APPBP2: variants seen among roughly 807,000 people sequenced by gnomAD.
APPBP2 encodes the protein amyloid beta precursor protein binding protein 2, also known as amyloid protein-binding protein 2.
Under a neutral mutation model 76.0 loss-of-function variants are expected in APPBP2, and 15 were observed. The observed-to-expected ratio is 0.20, with a 90% CI of 0.13 to 0.30. The LOEUF (loss-of-function observed/expected upper bound fraction) is 0.30, where lower values mean the gene tolerates loss of function less well. APPBP2 is among the 10% of genes least tolerant of loss of function. The pLI is 1.00. For missense variants in APPBP2, 401 were observed against 687.2 expected (o/e 0.58, Z 4.66); for synonymous variants, 222 against 242.2 (o/e 0.92, Z 0.77).
At position 60,518,971 on chromosome 17, in the gene APPBP2, C is replaced by T. The variant is rs1030333262; in HGVS notation, c.138+6823G>A. Among the ~76,000 whole-genome samples the T allele has an allele frequency of 5.3e-5, 8 of 152,074 alleles. No homozygotes were observed. In the East Asian group the frequency reaches 7.7e-4, roughly 15 times the overall value. On this transcript the variant is annotated intron_variant, in intron 1 of 12. Transcript: ENST00000083182. ...TTATTTTTACATTACCTTTTTCCCC[C>T]CCTTTGAGACAAGTTCTCACTGTGT...
intron 1 of APPBP2, among the ~76,000 whole-genome samples, chr17:60,515,112 ATTT>A (rs746696162): frequency 4.7e-5 from 5 of 106,210 alleles, no homozygotes; most frequent in East Asian, 2.6e-4. Flanking sequence ...CCTATTTTAA[ATTT>A]TTTTTTTTTT....
intron 1 of APPBP2, among the ~76,000 whole-genome samples, chr17:60,500,921 C>T (rs968121388): frequency 8.5e-5 from 13 of 152,184 alleles, no homozygotes; most frequent in African/African-American, 2.7e-4. Context: ...GTCAAAAACA[C>T]ACCAATAGTA....
At chr17:60,470,077 A>G (rs1449751682) in intron 4 of APPBP2, among the ~76,000 whole-genome samples, 2 of 151,402 alleles carry the variant, frequency 1.3e-5, no homozygotes, top group South Asian at 2.1e-4. Flanking sequence ...CCTTGCCAAC[A>G]GTTATTTTCT....
At chr17:60,512,958 C>T (rs1327595600) in intron 1 of APPBP2, among the ~76,000 whole-genome samples, 2 of 127,194 alleles carry the variant, frequency 1.6e-5, no homozygotes, top group Admixed American at 8.0e-5. Context: ...TTTTCTTTTC[C>T]TTTTTTTTTT....
chr17:60,468,932 T>C (rs1158417816), intron 4 of APPBP2, among the ~76,000 whole-genome samples: 1 of 152,224 alleles, frequency 6.6e-6, no homozygotes, highest in Non-Finnish European at 1.5e-5. Context: ...ATTAGTTTAC[T>C]AATATATTTA....
rs577151546 is a variant in APPBP2, at chr17:60,483,644, C to T, written c.380-4373G>A. On this transcript the variant is annotated intron_variant, in intron 3 of 12. Transcript: ENST00000083182. ...TCCCGACCTCGTGATCCGCTCGCCTCGGCCTCCCAAAGTGCTAGGATTACA... is the reference window on the plus strand; with the variant it reads ...TCCCGACCTCGTGATCCGCTCGCCTTGGCCTCCCAAAGTGCTAGGATTACA... 9.2e-5 allele frequency among the ~76,000 whole-genome samples: 14 copies of T among 152,268 alleles called. No homozygotes were observed. The South Asian group carries it at 1.5e-3, about 16-fold the overall frequency.
chr17:60,462,576 C>T (rs1312300692), intron 6 of APPBP2: 4 of 153,216 alleles, frequency 2.6e-5, no homozygotes, highest in Middle Eastern at 6.8e-3. Flanking sequence ...TGCCACTGTG[C>T]ACAGCTCTCA....
At chr17:60,458,311 G>A (rs921934573) in intron 9 of APPBP2, among the ~76,000 whole-genome samples, 2 of 152,002 alleles carry the variant, frequency 1.3e-5, no homozygotes, top group Non-Finnish European at 2.9e-5. Flanking sequence ...GCGTGTGCCT[G>A]TAATTCCAGC....
At chr17:60,509,684 C>T in intron 1 of APPBP2, among the ~76,000 whole-genome samples, 1 of 152,112 alleles carries the variant, frequency 6.6e-6, no homozygotes, top group East Asian at 1.9e-4. Context: ...TGCCTGTAAT[C>T]GCAGCTACCC....
chr17:60,495,933 C>T (rs776827184), intron 2 of APPBP2, among the ~76,000 whole-genome samples: 3 of 151,992 alleles, frequency 2.0e-5, no homozygotes, highest in Non-Finnish European at 2.9e-5. Context: ...ATTATCCTTA[C>T]GATGGAAAAT....
chr17:60,506,808 C>A lies in APPBP2; in HGVS notation c.139-6321G>T, dbSNP rs185357277. 1.8e-3 allele frequency among the ~76,000 whole-genome samples: 281 copies of A among 152,284 alleles called. 2 individuals carry two copies. The highest frequency in any genetic ancestry group is 3.5e-3 in the Admixed American group (53 of 15,294). On this transcript the variant is annotated intron_variant, in intron 1 of 12. Transcript: ENST00000083182. ...ATGCCAGCACTTTGGGAGGCCGAGG[C>A]GGGCAGATCACGAGGTCAAGAGATC...
chr17:60,444,871 T>G lies in APPBP2; in HGVS notation c.*2710A>C, dbSNP rs1483710641. 6.6e-6 allele frequency: 1 copy of G among 152,494 alleles called. No individual in the cohort carries two copies. The highest frequency in any genetic ancestry group is 1.5e-5 in the Non-Finnish European group (1 of 68,030). 9.4% of individuals were successfully genotyped at this position (152,494 alleles called of 1,614,324 possible). A position where few individuals can be genotyped will look rare whatever the true frequency, so the allele number is the denominator to read the frequency against. Reference sequence around the variant, plus strand: ...GAGACCAAAGGCCCCTAATTTAACATAACTTTGCTGAACCTCCAGAAAAAT... The same window carrying G: ...GAGACCAAAGGCCCCTAATTTAACAGAACTTTGCTGAACCTCCAGAAAAAT... On this transcript the variant is annotated 3_prime_UTR_variant, in exon 13 of 13. Coordinates refer to ENST00000083182, the MANE Select transcript of APPBP2 (RefSeq NM_006380.5).
chr17:60,506,820 G>A (rs2090871940), intron 1 of APPBP2, among the ~76,000 whole-genome samples: 1 of 152,148 alleles, frequency 6.6e-6, no homozygotes, highest in Non-Finnish European at 1.5e-5. Context: ...GGCAGATCAC[G>A]AGGTCAAGAG....
rs1042920335 is a variant in APPBP2, at chr17:60,494,560, T to C, written c.285A>G (p.Ser95=). ...GCCTACTGAATGAGTAGGCCAAGAC[T>C]GAAGCAACTTTAACACCATGATCCA... is the stretch of plus-strand genomic sequence containing the variant. The part of the protein sequence containing the change: ...ALMDHGVKVA[S]VLAYSFSRRC... Residue 95 remains serine (S), a synonymous_variant, in exon 3 of 13, where the codon TCA becomes TCG. Transcript: ENST00000083182. 17 of 1,611,546 alleles carry C rather than the reference T, an allele frequency of 1.1e-5. No individual in the cohort carries two copies. Among genetic ancestry groups the C allele is most frequent in the Non-Finnish European group, 1.4e-5 (16 of 1,179,582 alleles).
In APPBP2 at chr17:60,447,719, C is replaced by T. The variant is rs765849377; in HGVS notation, c.1620G>A (p.Leu540=). 1 of 1,613,996 alleles carries T rather than the reference C, an allele frequency of 6.2e-7. No individual in the cohort carries two copies. Among genetic ancestry groups the T allele is most frequent in the Non-Finnish European group, 8.5e-7 (1 of 1,180,050 alleles). The change falls in exon 13 of 13, where the codon CTG becomes CTA. Residue 540 remains leucine (L), a synonymous_variant. Coordinates refer to ENST00000083182, the MANE Select transcript of APPBP2 (RefSeq NM_006380.5). ...GATCTCGCAACCGGTTCCAGTTAGACAGAACATTGTGATATTCAAACACTT... is the reference window on the plus strand; with the variant it reads ...GATCTCGCAACCGGTTCCAGTTAGATAGAACATTGTGATATTCAAACACTT... The part of the protein sequence containing the change: ...YEKVFEYHNV[L]SNWNRLRDRQ...
At chr17:60,501,556 C>G (rs898115067) in intron 1 of APPBP2, among the ~76,000 whole-genome samples, 1 of 151,968 alleles carries the variant, frequency 6.6e-6, no homozygotes, top group African/African-American at 2.4e-5. Context: ...ATCACCATGC[C>G]TAATTTTTTT....
rs145566955 is a variant in APPBP2 at position 60,460,365 on chromosome 17, G to A, written c.1061+298C>T. 966 of 176,956 alleles carry A rather than the reference G, an allele frequency of 5.5e-3. 8 individuals carry two copies. The highest frequency in any genetic ancestry group is 0.021 in the African/African-American group (902 of 42,326). 11.0% of individuals were successfully genotyped at this position (176,956 alleles called of 1,614,324 possible). A position where few individuals can be genotyped will look rare whatever the true frequency, so the allele number is the denominator to read the frequency against. ...AGGCATGCACCAAAACGTCCATCTA[G>A]TTTTAAAAATTTTTTGAGTAGACAG... On this transcript the variant is annotated intron_variant, in intron 9 of 12. Coordinates refer to ENST00000083182, the MANE Select transcript of APPBP2 (RefSeq NM_006380.5).
chr17:60,489,412 A>G (rs2090707856), intron 3 of APPBP2, among the ~76,000 whole-genome samples: 1 of 151,962 alleles, frequency 6.6e-6, no homozygotes, highest in Non-Finnish European at 1.5e-5. Context: ...GCAATTTGAG[A>G]CCAGCCTGGC....
intron 4 of APPBP2, among the ~76,000 whole-genome samples, chr17:60,468,915 G>A (rs2090530497): frequency 6.6e-6 from 1 of 152,172 alleles, no homozygotes; most frequent in Non-Finnish European, 1.5e-5. Flanking sequence ...ATACAAATGT[G>A]TAAGTCATTA....
Sources: gnomAD v4.1 joint callset for allele counts (sites outside exome capture counted in the v4.1 genomes callset) on GRCh38, gnomAD v4.1.1 for gene constraint, MANE v1.5 for transcripts, NCBI Gene and HGNC (gene_info 2026-07-23, HGNC 2026-07-21) for gene names.